BCL2L11: variants seen among roughly 807,000 people sequenced by gnomAD.
BCL2L11 encodes BCL2 like 11, also known as bcl-2-like protein 11.
A neutral mutation model predicts 20.6 loss-of-function variants in BCL2L11; 15 were observed. The ratio of observed to expected loss-of-function variants is 0.73; its 90% CI spans 0.49 to 1.12. The LOEUF (loss-of-function observed/expected upper bound fraction) is 1.12, where lower values mean the gene tolerates loss of function less well. BCL2L11 is among the 50% of genes most tolerant of loss of function. BCL2L11 has a pLI of 0.00. For synonymous variants in BCL2L11, 108 were observed against 92.8 expected, an observed-to-expected ratio of 1.16 and a Z score of -0.94; for missense variants, 292 against 260.9, an observed-to-expected ratio of 1.12 and a Z score of -0.82.
At chr2:111,123,181 G>T (rs1199677978) in intron 1 of BCL2L11, 3 of 985,354 alleles carry the variant, frequency 3.0e-6, no homozygotes, top group African/African-American at 3.5e-5. Flanking sequence ...CCAGAGCCGG[G>T]CCGAGCCGCG....
intron 3 of BCL2L11, chr2:111,151,742 G>A: frequency 8.6e-7 from 1 of 1,157,120 alleles, no homozygotes; most frequent in Non-Finnish European, 1.3e-6. Flanking sequence ...TTTGAGGAGA[G>A]TGCTGTAGTA....
chr2:111,161,150 C>G (rs1387310999), intron 3 of BCL2L11, among the ~76,000 whole-genome samples: 2 of 152,080 alleles, frequency 1.3e-5, no homozygotes, highest in Non-Finnish European at 2.9e-5. Context: ...AACTTAATCA[C>G]CTTATTGATG....
At chr2:111,152,506 C>T (rs3789067) in intron 3 of BCL2L11, among the ~76,000 whole-genome samples, 13,141 of 152,296 alleles carry the variant, frequency 0.086, 682 homozygotes, top group African/African-American at 0.13. Flanking sequence ...TCCTGTGGGC[C>T]TGCCCAGATG....
chr2:111,129,617 A>G (rs770601093), intron 2 of BCL2L11, among the ~76,000 whole-genome samples: 1 of 152,240 alleles, frequency 6.6e-6, no homozygotes, highest in Non-Finnish European at 1.5e-5. Context: ...AGATTTCATC[A>G]GTTTCACATG....
rs193234501 is a variant in BCL2L11, at chr2:111,149,657, T to C, written c.395-387T>C. On this transcript the variant is annotated intron_variant, in intron 2 of 3. Coordinates refer to ENST00000393256, the MANE Select transcript of BCL2L11 (RefSeq NM_138621.5). ...TATTTGCCTTGTAATAAGATCAGAA[T>C]GATTATTTTACTGAAAAACTAAATT... 1.8e-4 allele frequency among the ~76,000 whole-genome samples: 27 copies of C among 152,366 alleles called. 1 individual carries two copies. The East Asian group carries it at 1.9e-3, about 11-fold the overall frequency.
At position 111,123,978 on chromosome 2, in the gene BCL2L11, C is replaced by A; in HGVS notation, c.233C>A (p.Pro78Gln). Residue 78 changes from proline (P) to glutamine (Q), a missense_variant, in exon 2 of 4, where the codon CCG becomes CAG. Coordinates refer to ENST00000393256, the MANE Select transcript of BCL2L11 (RefSeq NM_138621.5). ...CCTGGCCCTTTTGCTACCAGATCCC[C>A]GCTTTTCATCTTTATGAGAAGATCC... is the stretch of plus-strand genomic sequence containing the variant. Reference protein sequence around the residue: ...ASPGPFATRSPLFIFMRRSSL... With the variant: ...ASPGPFATRSQLFIFMRRSSL... 2 of 1,614,234 alleles carry A rather than the reference C, an allele frequency of 1.2e-6. No homozygotes were observed. Among genetic ancestry groups the A allele is most frequent in the Non-Finnish European group, 1.7e-6 (2 of 1,180,046 alleles).
At chr2:111,122,923 C>T (rs2071467412) in intron 1 of BCL2L11, 2 of 985,288 alleles carry the variant, frequency 2.0e-6, no homozygotes, top group African/African-American at 1.7e-5. Context: ...AAGGCGCGGA[C>T]GTGAGTTTCG....
At chr2:111,121,844 G>C (rs550797655) in intron 1 of BCL2L11, among the ~76,000 whole-genome samples, 93 of 152,330 alleles carry the variant, frequency 6.1e-4, no homozygotes, top group Non-Finnish European at 8.2e-4. Flanking sequence ...GAGAAATCTA[G>C]GTCCTCCCCT....
Position 111,120,979 on chromosome 2 carries a change from TGCCGCCGCCGCCGCCGCCGCCGCC to T in BCL2L11, c.-204_-181del, listed in dbSNP as rs5833391. On this transcript the variant is annotated 5_prime_UTR_variant, in exon 1 of 4. Transcript: ENST00000393256. ...GCTCTGCGTCCAGCGCCGCTGCCGC[TGCCGCCGCCGCCGCCGCCGCCGCC>T]GCCGCCGCCGCCGCCGCCACTACCA... 164 of 336,246 alleles carry T rather than the reference TGCCGCCGCCGCCGCCGCCGCCGCC, an allele frequency of 4.9e-4. 2 individuals are homozygous for T. In the South Asian group the frequency reaches 8.1e-3, roughly 17 times the overall value. The allele number at this position is 336,246 out of a possible 1,614,324, so 20.8% of individuals were successfully genotyped here.
intron 2 of BCL2L11, among the ~76,000 whole-genome samples, chr2:111,139,273 C>G (rs568161032): frequency 6.6e-6 from 1 of 152,258 alleles, no homozygotes; most frequent in African/African-American, 2.4e-5. Flanking sequence ...GGAAACCTGC[C>G]CCACCCCAGC....
At chr2:111,135,632 G>A (rs2074731154) in intron 2 of BCL2L11, among the ~76,000 whole-genome samples, 1 of 152,112 alleles carries the variant, frequency 6.6e-6, no homozygotes, top group South Asian at 2.1e-4. Context: ...GTTCTCTTTT[G>A]TTCTCTTTAA....
chr2:111,140,576 A>G (rs1261113944), intron 2 of BCL2L11, among the ~76,000 whole-genome samples: 2 of 152,160 alleles, frequency 1.3e-5, no homozygotes, highest in African/African-American at 2.4e-5. Flanking sequence ...TTGTTGAGTG[A>G]GTTACTTTTC....
chr2:111,123,218 C>A (rs2150133962), intron 1 of BCL2L11: 2 of 985,482 alleles, frequency 2.0e-6, no homozygotes, highest in East Asian at 1.1e-4. Context: ...TATTGTGACG[C>A]ACTTACTACG....
chr2:111,137,608 G>A (rs1166298334), intron 2 of BCL2L11, among the ~76,000 whole-genome samples: 1 of 150,534 alleles, frequency 6.6e-6, no homozygotes, highest in African/African-American at 2.4e-5. Flanking sequence ...CAGGCATAGA[G>A]CAGAAGATGT....
chr2:111,153,655 A>T lies in BCL2L11; in HGVS notation c.498+3508A>T. The T allele has an allele frequency of 2.5e-6, 3 of 1,183,698 alleles. No homozygotes were observed. In the South Asian group the frequency reaches 4.3e-5, roughly 17 times the overall value. 73.3% of individuals were successfully genotyped at this position (1,183,698 alleles called of 1,614,324 possible). ...CTCACTGTGCTGCTTTAGGATGGAT[A>T]TTAACCTTTTAAATGTTGAGTGTCT... On this transcript the variant is annotated intron_variant, in intron 3 of 3. Coordinates refer to ENST00000393256, the MANE Select transcript of BCL2L11 (RefSeq NM_138621.5).
At chr2:111,158,326 C>T (rs888214587) in intron 3 of BCL2L11, among the ~76,000 whole-genome samples, 11 of 152,132 alleles carry the variant, frequency 7.2e-5, no homozygotes, top group Admixed American at 3.9e-4. Context: ...CCATGTCCCA[C>T]CCTGCCACCT....
At chr2:111,143,755 T>C (rs1367041540) in intron 2 of BCL2L11, among the ~76,000 whole-genome samples, 2 of 152,158 alleles carry the variant, frequency 1.3e-5, no homozygotes, top group Non-Finnish European at 2.9e-5. Flanking sequence ...CTGGGTTTGC[T>C]CCTGGCTTGT....
At chr2:111,140,958 G>C (rs1404038847) in intron 2 of BCL2L11, among the ~76,000 whole-genome samples, 1 of 152,234 alleles carries the variant, frequency 6.6e-6, no homozygotes, top group Non-Finnish European at 1.5e-5. Flanking sequence ...AGAAAGCCTG[G>C]CATACACTGT....
At chr2:111,128,537 C>G in intron 2 of BCL2L11, 6 of 1,415,222 alleles carry the variant, frequency 4.2e-6, no homozygotes, top group Non-Finnish European at 5.5e-6. Flanking sequence ...TCCATAGAGG[C>G]TGTGCCATTT....
Sources: allele counts gnomAD v4.1 joint callset (sites outside exome capture counted in the v4.1 genomes callset), GRCh38; gene constraint gnomAD v4.1.1; transcripts MANE v1.5; gene names NCBI Gene and HGNC (gene_info 2026-07-23, HGNC 2026-07-21).